The following NFATC4 variants were observed in gnomAD, a reference collection of about 807,000 sequenced individuals.
The protein encoded by NFATC4 is nuclear factor of activated T cells 4.
Under a neutral mutation model 73.4 loss-of-function variants are expected in NFATC4, and 25 were observed. The ratio of observed to expected loss-of-function variants is 0.34; its 90% CI spans 0.25 to 0.48. NFATC4 has a LOEUF of 0.48. Ranked by LOEUF, NFATC4 falls within the 20% of genes least tolerant of loss-of-function variation. The pLI is 0.99. For missense variants in NFATC4, 1,130 were observed against 1,203.7 expected (o/e 0.94, Z 0.91); for synonymous variants, 523 against 510.3 (o/e 1.02, Z -0.34).
chr14:24,369,257 A>C, intron 1 of NFATC4: 1 of 1,539,920 alleles, frequency 6.5e-7, no homozygotes, highest in Non-Finnish European at 8.7e-7. Context: ...CTTAAGACCC[A>C]CTGGATCGGG....
At position 24,376,700 on chromosome 14, in the gene NFATC4, G is replaced by C. The variant is rs1183542320; in HGVS notation, c.2463G>C (p.Pro821=). The part of the protein sequence containing the change: ...FRPPPLPASP[P]LEGPFPSQSD... ...CGCCTCCTCTTCCTGCATCCCCACC[G>C]CTTGAAGGCCCCTTCCCTTCCCAGA... Residue 821 remains proline (P), a synonymous_variant, in exon 9 of 10, where the codon CCG becomes CCC. Transcript: ENST00000250373. This position sits in a 1 kb window ranked among gnomAD's most constrained non-coding sequence, Gnocchi z 5.0. 1 of 1,613,590 alleles carries C rather than the reference G, an allele frequency of 6.2e-7. No individual in the cohort carries two copies. Among genetic ancestry groups the C allele is most frequent in the South Asian group, 1.1e-5 (1 of 91,060 alleles).
At position 24,377,322 on chromosome 14, in the gene NFATC4, C is replaced by A; in HGVS notation, c.2642-316C>A. On this transcript the variant is annotated intron_variant, in intron 9 of 9. Coordinates refer to ENST00000250373, the MANE Select transcript of NFATC4 (RefSeq NM_004554.5). This position sits in a 1 kb window ranked among gnomAD's most constrained non-coding sequence, Gnocchi z 4.2. The stretch of plus-strand genomic sequence containing the variant: ...GGTGAGGAGGAGCTTTCCTGTTTTG[C>A]CTCTCCTTCTTCCCATTGGCTACAC... 1 of 1,269,028 alleles carries A rather than the reference C, an allele frequency of 7.9e-7. No homozygotes were observed. The highest frequency in any genetic ancestry group is 9.9e-7 in the Non-Finnish European group (1 of 1,007,042). The allele number at this position is 1,269,028 out of a possible 1,614,324, so 78.6% of individuals were successfully genotyped here.
chr14:24,373,346 T>C lies in NFATC4; in HGVS notation c.1535T>C (p.Leu512Pro). The C allele has an allele frequency of 6.2e-7, 1 of 1,614,128 alleles. No homozygotes were observed. Among genetic ancestry groups the C allele is most frequent in the Admixed American group, 1.7e-5 (1 of 60,036 alleles). Residue 512 changes from leucine (L) to proline (P), a missense_variant, in exon 4 of 10, where the codon CTG becomes CCG. Physicochemically the swap from Leu to Pro is moderately conservative, Grantham distance 98 (BLOSUM62 -3). This residue lies in a region of NFATC4 where 155 missense variants were observed against 221.2 expected (regional missense o/e 0.70). Coordinates refer to ENST00000250373, the MANE Select transcript of NFATC4 (RefSeq NM_004554.5). This position sits in a 1 kb window ranked among gnomAD's most constrained non-coding sequence, Gnocchi z 4.7. The part of the protein sequence containing the change: ...SGTKVLEMTL[L>P]PENNMAANID... ...ACCAAGGTGTTGGAGATGACTCTGC[T>C]GCCTGAGAACAACATGGCGGCCAAG...
chr14:24,376,991 G>T lies in NFATC4; in HGVS notation c.2641+113G>T. On this transcript the variant is annotated intron_variant, in intron 9 of 9. Transcript: ENST00000250373. This position sits in a 1 kb window ranked among gnomAD's most constrained non-coding sequence, Gnocchi z 5.0. ...AGATCGGGCATCCCTGGTCTCTCAG[G>T]GCCAGTTGGAGGTTCCCAGGAGGCA... is the stretch of plus-strand genomic sequence containing the variant. 1 of 1,408,230 alleles carries T rather than the reference G, an allele frequency of 7.1e-7. No homozygotes were observed. The highest frequency in any genetic ancestry group is 9.2e-7 in the Non-Finnish European group (1 of 1,086,156). 87.2% of individuals were successfully genotyped at this position (1,408,230 alleles called of 1,614,324 possible).
Position 24,373,556 on chromosome 14 carries a change from T to C in NFATC4, c.1560-139T>C. The C allele has an allele frequency of 1.4e-6, 2 of 1,410,512 alleles. No homozygotes were observed. The highest frequency in any genetic ancestry group is 1.9e-6 in the Non-Finnish European group (2 of 1,037,850). 87.4% of individuals were successfully genotyped at this position (1,410,512 alleles called of 1,614,324 possible). On this transcript the variant is annotated intron_variant, in intron 4 of 9. Coordinates refer to ENST00000250373, the MANE Select transcript of NFATC4 (RefSeq NM_004554.5). The surrounding 1 kb of genome is among the most constrained non-coding windows in gnomAD (Gnocchi z 4.7). ...GGGGGTACCCCAGAGAGGCCATCTC[T>C]GGGTTAGAAAATAGCCTCCTAGGCA...
chr14:24,370,689 C>A, intron 2 of NFATC4, 95 bp downstream of exon 2: 1 of 1,469,190 alleles, frequency 6.8e-7, no homozygotes, highest in Non-Finnish European at 9.1e-7. Flanking sequence ...AGTTTCATGC[C>A]CTCTGAATTT....
intron 1 of NFATC4, 135 bp downstream of exon 1, chr14:24,368,575 G>C (rs2042370728): frequency 2.1e-6 from 2 of 943,500 alleles, no homozygotes; most frequent in African/African-American, 1.7e-5. Flanking sequence ...GGGGGGACTC[G>C]TTGGCCTGCG....
At chr14:24,367,272 A>G (rs2042333322), upstream of NFATC4, 10 of 1,594,670 alleles carry the variant, frequency 6.3e-6, no homozygotes, top group Non-Finnish European at 8.5e-6. Flanking sequence ...AGAGGAGGGG[A>G]ACCCACAGGG....
Position 24,369,972 on chromosome 14 carries a change from T to A in NFATC4, c.574T>A (p.Tyr192Asn). The A allele has an allele frequency of 6.2e-7, 1 of 1,612,952 alleles. No individual in the cohort carries two copies. Reference sequence around the variant, plus strand: ...CGATGCCTCTGACGAGGCAGCCCTGTATGCAGCCTGCGACGAGGTGGAGTC... The same window carrying A: ...CGATGCCTCTGACGAGGCAGCCCTGAATGCAGCCTGCGACGAGGTGGAGTC... ...FSDASDEAAL[Y>N]AACDEVESEL... is the part of the protein sequence containing the mutation. Residue 192 changes from tyrosine (Y) to asparagine (N), a missense_variant, in exon 2 of 10, where the codon TAT becomes AAT. Tyr to Asn is a moderately radical substitution (Grantham distance 143). Around this residue, in one of 3 missense-constraint regions of NFATC4, gnomAD observed 585 missense variants for 574.3 expected, o/e 1.02. Transcript: ENST00000250373.
Position 24,373,587 on chromosome 14 carries a change from C to T in NFATC4, c.1560-108C>T, listed in dbSNP as rs755911725. ...AGAAAATAGCCTCCTAGGCACTCAT[C>T]GAAAGTCATTCAAGGCTTTGGATGG... On this transcript the variant is annotated intron_variant, in intron 4 of 9. Coordinates refer to ENST00000250373, the MANE Select transcript of NFATC4 (RefSeq NM_004554.5). This position sits in a 1 kb window ranked among gnomAD's most constrained non-coding sequence, Gnocchi z 4.7. The T allele has an allele frequency of 5.5e-5, 82 of 1,498,324 alleles. No individual in the cohort carries two copies. Among genetic ancestry groups the T allele is most frequent in the Non-Finnish European group, 7.0e-5 (78 of 1,109,476 alleles). 92.8% of individuals were successfully genotyped at this position (1,498,324 alleles called of 1,614,324 possible).
At chr14:24,369,368 G>T (rs2042400910) in intron 1 of NFATC4, 131 bp from the exon 2 acceptor site, 2 of 1,599,912 alleles carry the variant, frequency 1.3e-6, no homozygotes, top group East Asian at 2.2e-5. Context: ...TTGTCTTGTG[G>T]CTCAGAAGGT....
Position 24,373,006 on chromosome 14 carries a change from G to A in NFATC4, c.1360-165G>A. On this transcript the variant is annotated intron_variant, in intron 3 of 9. Coordinates refer to ENST00000250373, the MANE Select transcript of NFATC4 (RefSeq NM_004554.5). The surrounding 1 kb of genome is among the most constrained non-coding windows in gnomAD (Gnocchi z 4.7). ...CCAAGAAAAACACTGTGAACTCCAG[G>A]CCATGTTTTCTCCACAACGGGTGCC... 1 of 710,306 alleles carries A rather than the reference G, an allele frequency of 1.4e-6. No individual in the cohort carries two copies. Among genetic ancestry groups the A allele is most frequent in the Non-Finnish European group, 2.3e-6 (1 of 436,690 alleles). The allele number at this position is 710,306 out of a possible 1,614,324, so 44.0% of individuals were successfully genotyped here.
rs1488153727 is a variant in NFATC4 at position 24,373,146 on chromosome 14, G to A, written c.1360-25G>A. On this transcript the variant is annotated intron_variant, in intron 3 of 9. Transcript: ENST00000250373. This position sits in a 1 kb window ranked among gnomAD's most constrained non-coding sequence, Gnocchi z 4.7. The stretch of plus-strand genomic sequence containing the variant: ...GATGAGACGGTGGGGATTTCAATGA[G>A]GTGGCCGCTCTCTCCCTCTGCCAGC... 1.2e-6 allele frequency: 2 copies of A among 1,609,756 alleles called. No homozygotes were observed. The highest frequency in any genetic ancestry group is 3.3e-5 in the Admixed American group (2 of 59,912).
intron 5 of NFATC4, chr14:24,374,110 T>A (rs1432343646): frequency 1.1e-6 from 1 of 889,624 alleles, no homozygotes; most frequent in Admixed American, 2.0e-5. Context: ...TTTGGGAAAC[T>A]CCCTGGTCTA....
rs2042671054 is a variant in NFATC4, at chr14:24,377,883, C to T, written c.*178C>T. The T allele has an allele frequency of 7.8e-7, 1 of 1,278,776 alleles. No homozygotes were observed. Among genetic ancestry groups the T allele is most frequent in the Non-Finnish European group, 1.1e-6 (1 of 945,932 alleles). 79.2% of individuals were successfully genotyped at this position (1,278,776 alleles called of 1,614,324 possible). ...CCCCAGCTGAGGTGTGGCCCTCAGG[C>T]CTGGTGCTGCCTTGGAGGGCTGGGG... On this transcript the variant is annotated 3_prime_UTR_variant, in exon 10 of 10. Transcript: ENST00000250373. This position sits in a 1 kb window ranked among gnomAD's most constrained non-coding sequence, Gnocchi z 4.2.
chr14:24,368,721 C>T (rs1455145370), intron 1 of NFATC4, among the ~76,000 whole-genome samples: 2 of 151,980 alleles, frequency 1.3e-5, no homozygotes, highest in East Asian at 1.9e-4. Flanking sequence ...GCGGGAACTA[C>T]GGCCCCAACA....
intron 6 of NFATC4, among the ~76,000 whole-genome samples, chr14:24,374,914 C>A (rs972176924): frequency 2.0e-5 from 3 of 152,022 alleles, no homozygotes; most frequent in Non-Finnish European, 4.4e-5. Flanking sequence ...CAACCTGAGG[C>A]CTTTGCCCTC....
At position 24,376,251 on chromosome 14, in the gene NFATC4, C is replaced by T. The variant is rs746000911; in HGVS notation, c.2057-43C>T. The stretch of plus-strand genomic sequence containing the variant: ...GGAAGGTGTGCAGTGGGGAGACTAC[C>T]AGACCTCTCACCAGCATGTCCTCCC... On this transcript the variant is annotated intron_variant, in intron 8 of 9. Transcript: ENST00000250373. The surrounding 1 kb of genome is among the most constrained non-coding windows in gnomAD (Gnocchi z 5.0). The T allele has an allele frequency of 6.4e-7, 1 of 1,558,706 alleles. No homozygotes were observed. The highest frequency in any genetic ancestry group is 1.8e-5 in the Admixed American group (1 of 54,524).
At position 24,376,720 on chromosome 14, in the gene NFATC4, C is replaced by T. The variant is rs2042633690; in HGVS notation, c.2483C>T (p.Ser828Phe). The part of the protein sequence containing the change: ...ASPPLEGPFP[S>F]QSDVHPLPAE... ...CCACCGCTTGAAGGCCCCTTCCCTT[C>T]CCAGAGTGATGTGCATCCCCTACCT... Residue 828 changes from serine (S) to phenylalanine (F), a missense_variant, in exon 9 of 10, where the codon TCC becomes TTC. Coordinates refer to ENST00000250373, the MANE Select transcript of NFATC4 (RefSeq NM_004554.5). The surrounding 1 kb of genome is among the most constrained non-coding windows in gnomAD (Gnocchi z 5.0). 6.2e-7 allele frequency: 1 copy of T among 1,613,942 alleles called. No individual in the cohort carries two copies. The highest frequency in any genetic ancestry group is 8.5e-7 in the Non-Finnish European group (1 of 1,179,982).
Sources: gnomAD v4.1 joint callset for allele counts (sites outside exome capture counted in the v4.1 genomes callset) on GRCh38, gnomAD v4.1.1 for gene constraint, gnomAD v4.1.1 regional missense constraint, Gnocchi (gnomAD v3.1) non-coding constraint, MANE v1.5 for transcripts, NCBI Gene and HGNC (gene_info 2026-07-23, HGNC 2026-07-21) for gene names.